Variants in GPR137C observed in about 807,000 individuals in gnomAD.
GPR137C encodes G protein-coupled receptor 137C, also known as integral membrane protein GPR137C.
Under a neutral mutation model 43.4 loss-of-function variants are expected in GPR137C, and 27 were observed. The observed-to-expected ratio is 0.62, with a 90% CI of 0.46 to 0.86. The LOEUF is 0.86. GPR137C is among the 40% of genes least tolerant of loss of function. The probability of loss-of-function intolerance (pLI) is 0.00; values close to 1 mark genes in which losing one functional copy is unlikely to be tolerated. For synonymous variants in GPR137C, 285 were observed against 226.9 expected (o/e 1.26, Z -2.30); for missense variants, 522 against 534.6 (o/e 0.98, Z 0.23).
intron 3 of GPR137C, among the ~76,000 whole-genome samples, chr14:52,605,416 C>T (rs1297365688): frequency 1.3e-5 from 2 of 152,154 alleles, no homozygotes; most frequent in Non-Finnish European, 2.9e-5. Flanking sequence ...TTCAATTTTA[C>T]TGATCATTTA....
At chr14:52,571,316 C>G (rs917649019) in intron 1 of GPR137C, among the ~76,000 whole-genome samples, 1 of 152,174 alleles carries the variant, frequency 6.6e-6, no homozygotes, top group Non-Finnish European at 1.5e-5. Context: ...ATACCAGAAT[C>G]TCTGGGACAT....
At chr14:52,575,669 C>G (rs1053959557) in intron 1 of GPR137C, among the ~76,000 whole-genome samples, 1 of 152,104 alleles carries the variant, frequency 6.6e-6, no homozygotes, top group Non-Finnish European at 1.5e-5. Flanking sequence ...GAGAATTAAG[C>G]TATACCATCT....
intron 1 of GPR137C, among the ~76,000 whole-genome samples, chr14:52,563,644 A>G (rs1311135323): frequency 6.6e-6 from 1 of 152,134 alleles, no homozygotes; most frequent in Non-Finnish European, 1.5e-5. Flanking sequence ...ATCCCAACTC[A>G]AAAACACACA....
At chr14:52,557,413 A>G (rs1021453843) in intron 1 of GPR137C, among the ~76,000 whole-genome samples, 1 of 152,200 alleles carries the variant, frequency 6.6e-6, no homozygotes, top group Non-Finnish European at 1.5e-5. Flanking sequence ...GCCCATACTA[A>G]TTAAGGCTTT....
chr14:52,634,874 T>C, intron 6 of GPR137C, 64 bp from the exon 7 acceptor site: 1 of 1,402,256 alleles, frequency 7.1e-7, no homozygotes, highest in South Asian at 1.3e-5. Flanking sequence ...TGCTAAAAAT[T>C]CAAATGTGAC....
At chr14:52,555,306 G>C (rs145660640) in intron 1 of GPR137C, among the ~76,000 whole-genome samples, 1 of 152,060 alleles carries the variant, frequency 6.6e-6, no homozygotes, top group Non-Finnish European at 1.5e-5. Flanking sequence ...TTTACTTCTT[G>C]AGGTATAACA....
intron 3 of GPR137C, among the ~76,000 whole-genome samples, chr14:52,619,723 C>T (rs1211256992): frequency 9.2e-5 from 14 of 152,012 alleles, no homozygotes; most frequent in Admixed American, 9.2e-4. Flanking sequence ...CAGTAAAAGC[C>T]ATCCACTCCA....
intron 1 of GPR137C, among the ~76,000 whole-genome samples, chr14:52,569,993 G>C (rs1201108074): frequency 6.6e-6 from 1 of 152,006 alleles, no homozygotes. Context: ...GAAATGCAGA[G>C]AACACCACAA....
intron 1 of GPR137C, among the ~76,000 whole-genome samples, chr14:52,574,651 A>T (rs557660951): frequency 3.3e-5 from 5 of 152,314 alleles, no homozygotes; most frequent in African/African-American, 9.6e-5. Flanking sequence ...ACCATGGCAC[A>T]TGTATACTTA....
chr14:52,562,285 A>C (rs943405691), intron 1 of GPR137C, among the ~76,000 whole-genome samples: 2 of 152,208 alleles, frequency 1.3e-5, no homozygotes, highest in Non-Finnish European at 2.9e-5. Context: ...TTTCCTTCTT[A>C]TAAAAATTAG....
chr14:52,556,685 C>G (rs1198093431), intron 1 of GPR137C, among the ~76,000 whole-genome samples: 5 of 152,076 alleles, frequency 3.3e-5, no homozygotes, highest in African/African-American at 1.2e-4. Flanking sequence ...AAAACTGATT[C>G]TATCTACCAT....
intron 1 of GPR137C, among the ~76,000 whole-genome samples, chr14:52,581,080 C>CT (rs2038639244): frequency 6.6e-6 from 1 of 150,658 alleles, no homozygotes. Context: ...CCTGTAATCT[C>CT]AGCTACTCAG....
intron 1 of GPR137C, among the ~76,000 whole-genome samples, chr14:52,578,361 T>A (rs891953087): frequency 6.6e-6 from 1 of 152,156 alleles, no homozygotes; most frequent in Admixed American, 6.5e-5. Context: ...TTTGCATCTG[T>A]CTTCTTTCTC....
intron 5 of GPR137C, 51 bp downstream of exon 5, chr14:52,633,706 G>T (rs1465191622): frequency 7.6e-6 from 12 of 1,586,718 alleles, no homozygotes; most frequent in Admixed American, 3.4e-5. Context: ...AAAAATTATG[G>T]AACATTTATA....
At chr14:52,631,736 G>C (rs2039295965) in intron 3 of GPR137C, among the ~76,000 whole-genome samples, 2 of 152,060 alleles carry the variant, frequency 1.3e-5, no homozygotes. Context: ...AAAGCAAATA[G>C]CATAGGAACT....
At position 52,617,706 on chromosome 14, in the gene GPR137C, T is replaced by A. The variant is rs1236714659; in HGVS notation, c.718-14454T>A. Among the ~76,000 whole-genome samples, 3 of 151,710 alleles carry A rather than the reference T, an allele frequency of 2.0e-5. No individual in the cohort carries two copies. In the South Asian group the frequency reaches 6.2e-4, roughly 32 times the overall value. Reference sequence around the variant, plus strand: ...ACAAACAAACAAACAAACAAAAAGATGGAAATTTAGGATCAGAGAGATAAG... The same window carrying A: ...ACAAACAAACAAACAAACAAAAAGAAGGAAATTTAGGATCAGAGAGATAAG... On this transcript the variant is annotated intron_variant, in intron 3 of 6. Coordinates refer to ENST00000321662, the MANE Select transcript of GPR137C (RefSeq NM_001099652.2).
intron 1 of GPR137C, among the ~76,000 whole-genome samples, chr14:52,576,787 G>A (rs767316566): frequency 1.1e-4 from 17 of 151,966 alleles, no homozygotes; most frequent in Non-Finnish European, 2.5e-4. Flanking sequence ...CCATATGCTG[G>A]GCCACAAGGC....
At chr14:52,567,293 G>A (rs890411716) in intron 1 of GPR137C, among the ~76,000 whole-genome samples, 4 of 152,022 alleles carry the variant, frequency 2.6e-5, no homozygotes, top group Middle Eastern at 3.2e-3. Context: ...ACTTTAAATA[G>A]CAGAACATAA....
intron 1 of GPR137C, among the ~76,000 whole-genome samples, chr14:52,594,274 G>A (rs536278482): frequency 1.1e-3 from 163 of 152,326 alleles, no homozygotes; most frequent in African/African-American, 3.8e-3. Context: ...TAAGTGTGAT[G>A]TGGTGCTGAG....
Sources: allele counts gnomAD v4.1 joint callset (sites outside exome capture counted in the v4.1 genomes callset), GRCh38; gene constraint gnomAD v4.1.1; transcripts MANE v1.5; gene names NCBI Gene and HGNC (gene_info 2026-07-23, HGNC 2026-07-21).